GALNT7: variants seen among roughly 807,000 people sequenced by gnomAD.
GALNT7 encodes the protein N-acetylgalactosaminyltransferase 7.
In GALNT7, 60 loss-of-function variants were observed where a neutral mutation model predicts 82.1. The observed-to-expected ratio is 0.73, with a 90% CI of 0.59 to 0.91. The LOEUF is 0.91. Among genes scored for constraint, GALNT7 ranks in the 40% least tolerant of loss-of-function variants. The pLI, the probability that GALNT7 is intolerant of heterozygous loss-of-function variation, is 0.00. For missense variants in GALNT7, 660 were observed against 804.2 expected (o/e 0.82, Z 2.17); for synonymous variants, 243 against 275.1 (o/e 0.88, Z 1.15).
chr4:173,197,561 T>G (rs1259649750), intron 1 of GALNT7, among the ~76,000 whole-genome samples: 1 of 149,770 alleles, frequency 6.7e-6, no homozygotes, highest in East Asian at 2.0e-4. Context: ...ATGTGTAGAT[T>G]CCGTAGTACC....
At chr4:173,199,130 C>T (rs1732866626) in intron 1 of GALNT7, among the ~76,000 whole-genome samples, 1 of 152,100 alleles carries the variant, frequency 6.6e-6, no homozygotes, top group South Asian at 2.1e-4. Context: ...AAATCTTTTT[C>T]GAGCATTATG....
chr4:173,175,512 A>G (rs1214668451), intron 1 of GALNT7, among the ~76,000 whole-genome samples: 9 of 152,230 alleles, frequency 5.9e-5, no homozygotes, highest in Non-Finnish European at 1.0e-4. Flanking sequence ...AACACAGACA[A>G]GTACACATGG....
rs531333037 is a variant in GALNT7 at position 173,196,270 on chromosome 4, G to A, written c.126+27309G>A. Among the ~76,000 whole-genome samples, 238 of 151,984 alleles carry A rather than the reference G, an allele frequency of 1.6e-3. 3 individuals are homozygous for A. Among genetic ancestry groups the A allele is most frequent in the Middle Eastern group, 0.01 (3 of 294 alleles). ...CTCCCAAGTAGCTGGGATTACAGGC[G>A]CCTGCCACCATGCCTGGCTAATTTT... On this transcript the variant is annotated intron_variant, in intron 1 of 11. Coordinates refer to ENST00000265000, the MANE Select transcript of GALNT7 (RefSeq NM_017423.3).
At chr4:173,187,744 A>G (rs142132344) in intron 1 of GALNT7, among the ~76,000 whole-genome samples, 14 of 152,298 alleles carry the variant, frequency 9.2e-5, no homozygotes, top group Middle Eastern at 6.8e-3. Context: ...AGTCAGTGCC[A>G]TGGGGTTAAA....
At chr4:173,252,201 T>C (rs768832564) in intron 2 of GALNT7, among the ~76,000 whole-genome samples, 23 of 152,174 alleles carry the variant, frequency 1.5e-4, no homozygotes, top group Non-Finnish European at 2.6e-4. Context: ...ATATCGCACA[T>C]CCATATTGTG....
At chr4:173,315,618 A>G (rs563318039) in intron 9 of GALNT7, among the ~76,000 whole-genome samples, 1 of 152,300 alleles carries the variant, frequency 6.6e-6, no homozygotes, top group South Asian at 2.1e-4. Context: ...GAGGACACTC[A>G]TGCTGCTCTC....
chr4:173,300,202 G>A (rs1446787080), intron 6 of GALNT7, among the ~76,000 whole-genome samples: 1 of 152,166 alleles, frequency 6.6e-6, no homozygotes. Context: ...AATTAGCCTG[G>A]TGTGGTGGCA....
At chr4:173,317,596 C>T in intron 9 of GALNT7, 38 bp from the exon 10 acceptor site, 1 of 1,245,006 alleles carries the variant, frequency 8.0e-7, no homozygotes, top group Non-Finnish European at 1.2e-6. Context: ...AAAAACTAAA[C>T]TGTTGCCTGC....
At chr4:173,294,864 T>C (rs1391028971) in intron 3 of GALNT7, among the ~76,000 whole-genome samples, 1 of 152,208 alleles carries the variant, frequency 6.6e-6, no homozygotes, top group East Asian at 1.9e-4. Context: ...ATTTTTTTCT[T>C]ATTTGCCAAC....
chr4:173,249,239 A>G (rs1003327118), intron 2 of GALNT7, among the ~76,000 whole-genome samples: 1 of 152,214 alleles, frequency 6.6e-6, no homozygotes, highest in Non-Finnish European at 1.5e-5. Flanking sequence ...CTGATGATGT[A>G]TTGTTAGCAT....
At chr4:173,203,295 G>A (rs1004513010) in intron 1 of GALNT7, among the ~76,000 whole-genome samples, 9 of 152,048 alleles carry the variant, frequency 5.9e-5, no homozygotes, top group African/African-American at 1.2e-4. Context: ...GAGTTTCACC[G>A]TTAGCCAGAA....
intron 1 of GALNT7, 88 bp from the exon 2 acceptor site, chr4:173,247,892 T>C (rs1734701994): frequency 1.2e-6 from 1 of 810,716 alleles, no homozygotes; most frequent in African/African-American, 1.7e-5. Flanking sequence ...GCCTCAGCCT[T>C]TTTCAAAACC....
At chr4:173,209,782 CAAAG>C (rs1271341556) in intron 1 of GALNT7, among the ~76,000 whole-genome samples, 57 of 152,316 alleles carry the variant, frequency 3.7e-4, no homozygotes, top group Non-Finnish European at 7.2e-4. Context: ...GGTGCCAGCA[CAAAG>C]TTTGTGACCT....
chr4:173,318,279 T>C (rs181700452), intron 10 of GALNT7, 152 bp from the exon 11 acceptor site: 40 of 577,078 alleles, frequency 6.9e-5, no homozygotes, highest in Non-Finnish European at 1.1e-4. Flanking sequence ...AAAATAAATA[T>C]AATTTGTCTG....
At chr4:173,304,199 A>AGCTTATTG in intron 8 of GALNT7, 81 bp downstream of exon 8, 1 of 1,214,878 alleles carries the variant, frequency 8.2e-7, no homozygotes, top group South Asian at 1.5e-5. Context: ...AACAATTGTC[A>AGCTTATTG]GCTTATTGAG....
At chr4:173,215,375 C>T (rs1191392551) in intron 1 of GALNT7, among the ~76,000 whole-genome samples, 2 of 151,968 alleles carry the variant, frequency 1.3e-5, no homozygotes, top group African/African-American at 4.8e-5. Context: ...TGATTACAGG[C>T]GTGTGCCACC....
chr4:173,182,925 T>TACACACAC (rs61378172), intron 1 of GALNT7, among the ~76,000 whole-genome samples: 1,449 of 134,254 alleles, frequency 0.011, 35 homozygotes, highest in East Asian at 0.052. Context: ...TTACTCATAA[T>TACACACAC]ACACACACAC....
chr4:173,238,612 G>A (rs1173015356), intron 1 of GALNT7, among the ~76,000 whole-genome samples: 1 of 151,966 alleles, frequency 6.6e-6, no homozygotes, highest in Admixed American at 6.6e-5. Flanking sequence ...ACTACAAAAC[G>A]ATGTATTAAC....
chr4:173,191,584 T>C (rs1422021924), intron 1 of GALNT7, among the ~76,000 whole-genome samples: 2 of 152,196 alleles, frequency 1.3e-5, no homozygotes, highest in African/African-American at 4.8e-5. Flanking sequence ...CTGGAAGATA[T>C]TGTGCCAAAC....
Sources: gnomAD v4.1 joint callset for allele counts (sites outside exome capture counted in the v4.1 genomes callset) on GRCh38, gnomAD v4.1.1 for gene constraint, MANE v1.5 for transcripts, NCBI Gene and HGNC (gene_info 2026-07-23, HGNC 2026-07-21) for gene names.